Variants in ANKRD36C observed in about 807,000 individuals in gnomAD.
ANKRD36C encodes the protein ankyrin repeat domain 36C.
Under a neutral mutation model 276.4 loss-of-function variants are expected in ANKRD36C, and 61 were observed. That is an observed-to-expected ratio of 0.22 (90% CI 0.18 to 0.27). ANKRD36C has a LOEUF of 0.27. Ranked by LOEUF, ANKRD36C falls within the 10% of genes least tolerant of loss-of-function variation. The pLI is 1.00. For synonymous variants in ANKRD36C, 483 were observed against 680.1 expected (o/e 0.71, Z 4.51); for missense variants, 1,447 against 2,032.3 (o/e 0.71, Z 5.54).
chr2:95,851,097 C>T (rs960691330), downstream of ANKRD36C: 18 of 1,186,708 alleles, frequency 1.5e-5, no homozygotes, highest in African/African-American at 1.1e-4. Context: ...GAGGGAATAC[C>T]GTTCACTACT....
Position 95,897,448 on chromosome 2 carries a change from G to C in ANKRD36C, c.2755+1697C>G, listed in dbSNP as rs1270395280. 1.6e-4 allele frequency: 253 copies of C among 1,535,218 alleles called. 10 individuals are homozygous for C. Among genetic ancestry groups the C allele is most frequent in the Non-Finnish European group, 2.1e-4 (244 of 1,135,116 alleles). On this transcript the variant is annotated intron_variant, in intron 44 of 66. Coordinates refer to ENST00000456556, the Ensembl canonical transcript of ANKRD36C. ...GACAGTTTCATTACCTTCAAGCCTG[G>C]TGGTTGCTCAGAAGACACTGAAAAG...
At chr2:95,961,877 CCTT>C (rs1451720750) in intron 8 of ANKRD36C, among the ~76,000 whole-genome samples, 1 of 152,032 alleles carries the variant, frequency 6.6e-6, no homozygotes, top group East Asian at 1.9e-4. Flanking sequence ...TCTTTTCCCT[CCTT>C]CTTTCCTCTC....
At chr2:95,961,946 T>C (rs1261012862) in intron 8 of ANKRD36C, among the ~76,000 whole-genome samples, 2 of 152,040 alleles carry the variant, frequency 1.3e-5, no homozygotes, top group African/African-American at 4.8e-5. Context: ...TTAGTTCTCT[T>C]TCTACATTGT....
chr2:95,978,043 T>C (rs1678849217), intron 6 of ANKRD36C, 79 bp downstream of exon 6: 1 of 485,254 alleles, frequency 2.1e-6, no homozygotes, highest in South Asian at 2.4e-5. Flanking sequence ...TTTAAACTGC[T>C]TTTTTGTAAT....
At position 95,947,459 on chromosome 2, in the gene ANKRD36C, T is replaced by G. The variant is rs557142643; in HGVS notation, c.1362+1071A>C. On this transcript the variant is annotated intron_variant, in intron 17 of 66. Coordinates refer to ENST00000456556, the Ensembl canonical transcript of ANKRD36C. ...CTTACATGCAAGACATTATTCTGGG[T>G]GCTTAAGATACATACAAATAGATTT... is the stretch of plus-strand genomic sequence containing the variant. 2.6e-5 allele frequency among the ~76,000 whole-genome samples: 4 copies of G among 152,314 alleles called. No individual in the cohort carries two copies. The East Asian group carries it at 7.7e-4, about 29-fold the overall frequency.
In ANKRD36C at chr2:95,890,005, A is replaced by G; in HGVS notation, c.2858-11T>C. On this transcript the variant is annotated splice_polypyrimidine_tract_variant and intron_variant, in intron 46 of 66. Coordinates refer to ENST00000456556, the Ensembl canonical transcript of ANKRD36C. ...GTTTATGAGAAGACACTGAAAAGCA[A>G]AAAGGATACATAATCACTCATACGT... The G allele has an allele frequency of 6.2e-7, 1 of 1,608,164 alleles. No homozygotes were observed. The highest frequency in any genetic ancestry group is 8.5e-7 in the Non-Finnish European group (1 of 1,175,832).
intron 19 of ANKRD36C, among the ~76,000 whole-genome samples, chr2:95,941,623 T>C (rs1255916861): frequency 1.3e-5 from 2 of 152,280 alleles, no homozygotes; most frequent in Non-Finnish European, 2.9e-5. Flanking sequence ...GTGGTAAAAC[T>C]TGGGCACAGA....
chr2:95,989,069 T>G (rs1324362226), intron 1 of ANKRD36C, among the ~76,000 whole-genome samples: 1 of 152,116 alleles, frequency 6.6e-6, no homozygotes, highest in East Asian at 1.9e-4. Flanking sequence ...CTCAGGAGGC[T>G]GAGGTGGGAG....
At chr2:95,975,687 T>C (rs1302693685) in intron 6 of ANKRD36C, among the ~76,000 whole-genome samples, 1 of 152,164 alleles carries the variant, frequency 6.6e-6, no homozygotes, top group Non-Finnish European at 1.5e-5. Flanking sequence ...AAAGAAAACC[T>C]AGGCAATACC....
At chr2:95,924,780 T>C (rs1006365013) in intron 30 of ANKRD36C, among the ~76,000 whole-genome samples, 4 of 151,680 alleles carry the variant, frequency 2.6e-5, no homozygotes, top group Non-Finnish European at 4.4e-5. Flanking sequence ...AATCTTCTGG[T>C]ATGCAAACAT....
intron 60 of ANKRD36C, among the ~76,000 whole-genome samples, chr2:95,860,511 A>G (rs1428485852): frequency 2.0e-5 from 3 of 152,202 alleles, no homozygotes; most frequent in Admixed American, 1.3e-4. Context: ...CTCTGCTGCA[A>G]TCTGTTACTA....
chr2:95,876,853 C>CAAAAAAAA (rs61043155), intron 58 of ANKRD36C, among the ~76,000 whole-genome samples: 1 of 84,158 alleles, frequency 1.2e-5, no homozygotes. Flanking sequence ...GACTGTGTCT[C>CAAAAAAAA]AAAAAAAAAA....
chr2:95,892,006 A>G, intron 44 of ANKRD36C, 146 bp from the exon 65 acceptor site: 1 of 1,369,976 alleles, frequency 7.3e-7, no homozygotes, highest in Non-Finnish European at 1.0e-6. Context: ...TGAGGACTAG[A>G]ACATGACAGA....
chr2:95,956,745 C>G, intron 13 of ANKRD36C, 41 bp downstream of exon 13: 1 of 1,516,710 alleles, frequency 6.6e-7, no homozygotes, highest in South Asian at 1.2e-5. Flanking sequence ...TCTCTATTAA[C>G]TAAGTTAACA....
chr2:95,891,812 A>G lies in ANKRD36C; in HGVS notation c.2784+20T>C. 7 of 1,559,536 alleles carry G rather than the reference A, an allele frequency of 4.5e-6. No homozygotes were observed. Among genetic ancestry groups the G allele is most frequent in the Non-Finnish European group, 6.1e-6 (7 of 1,151,800 alleles). ...GACTATACATTTACTAGTTCACAATATAAATGACAGTTTCATTACCTTCAA... is the reference window on the plus strand; with the variant it reads ...GACTATACATTTACTAGTTCACAATGTAAATGACAGTTTCATTACCTTCAA... On this transcript the variant is annotated intron_variant, in intron 45 of 66. Transcript: ENST00000456556.
intron 8 of ANKRD36C, 41 bp downstream of exon 8, chr2:95,962,311 A>G (rs1460384666): frequency 1.3e-6 from 2 of 1,538,862 alleles, no homozygotes; most frequent in Non-Finnish European, 1.8e-6. Flanking sequence ...GTTCCCTTCT[A>G]TCCTGAGTGA....
At chr2:95,884,963 T>C (rs527789127) in intron 52 of ANKRD36C, among the ~76,000 whole-genome samples, 7 of 152,146 alleles carry the variant, frequency 4.6e-5, no homozygotes, top group African/African-American at 1.7e-4. Context: ...CGTGGTGTAA[T>C]AATTTGCCTA....
chr2:95,926,366 A>G (rs969429958), intron 28 of ANKRD36C, among the ~76,000 whole-genome samples: 43 of 151,764 alleles, frequency 2.8e-4, no homozygotes, highest in African/African-American at 9.6e-4. Flanking sequence ...TTAAAAGTCA[A>G]TTAATGAATT....
intron 3 of ANKRD36C, among the ~76,000 whole-genome samples, chr2:95,984,141 C>T (rs1678979075): frequency 6.6e-6 from 1 of 151,706 alleles, no homozygotes; most frequent in South Asian, 2.1e-4. Context: ...AAAATATAGA[C>T]TCTACATTTA....
Sources: gnomAD v4.1 joint callset for allele counts (sites outside exome capture counted in the v4.1 genomes callset) on GRCh38, gnomAD v4.1.1 for gene constraint, MANE v1.5 for transcripts, NCBI Gene and HGNC (gene_info 2026-07-23, HGNC 2026-07-21) for gene names.